ACAN: variants seen among roughly 807,000 people sequenced by gnomAD.
ACAN encodes the protein aggrecan core protein.
ACAN carries 47 observed loss-of-function variants against 169.1 expected under a neutral mutation model. The ratio of observed to expected loss-of-function variants is 0.28; its 90% CI spans 0.22 to 0.35. The LOEUF is 0.35. Ranked by LOEUF, ACAN falls within the 10% of genes least tolerant of loss-of-function variation. ACAN has a pLI of 1.00. For synonymous variants in ACAN, 1,115 were observed against 1,112.2 expected (o/e 1.00, Z -0.05); for missense variants, 2,716 against 2,759.9 (o/e 0.98, Z 0.36).
In ACAN at chr15:88,838,395, C is replaced by T. The variant is rs1396213858; in HGVS notation, c.71-268C>T. 6.6e-6 allele frequency among the ~76,000 whole-genome samples: 1 copy of T among 152,164 alleles called. No homozygotes were observed. Among genetic ancestry groups the T allele is most frequent in the Non-Finnish European group, 1.5e-5 (1 of 68,038 alleles). On this transcript the variant is annotated intron_variant, in intron 2 of 18. Transcript: ENST00000560601. The surrounding 1 kb of genome is among the most constrained non-coding windows in gnomAD (Gnocchi z 5.1). Reference sequence around the variant, plus strand: ...TGGTCCTGACTCTGACGTCTCCCCTCCCTCCTCTGGAATCCTTTTCTAGCT... The same window carrying T: ...TGGTCCTGACTCTGACGTCTCCCCTTCCTCCTCTGGAATCCTTTTCTAGCT...
chr15:88,848,535 T>C (rs1441105754), intron 9 of ACAN, among the ~76,000 whole-genome samples: 1 of 152,242 alleles, frequency 6.6e-6, no homozygotes, highest in East Asian at 1.9e-4. Context: ...GAGACCAGCC[T>C]GGGCAACATG....
Position 88,847,387 on chromosome 15 carries a change from A to G in ACAN, c.1574A>G (p.Asp525Gly). 5 of 1,585,610 alleles carry G rather than the reference A, an allele frequency of 3.2e-6. No individual in the cohort carries two copies. The highest frequency in any genetic ancestry group is 1.3e-5 in the African/African-American group (1 of 74,514). The change falls in exon 8 of 19, where the codon GAC becomes GGC. Residue 525 changes from aspartate to glycine, a missense_variant. Physicochemically the swap from Asp to Gly is moderately conservative, Grantham distance 94. This residue lies in a region of ACAN where 1,283 missense variants were observed against 1,281.5 expected (regional missense o/e 1.00). Coordinates refer to ENST00000560601, the MANE Select transcript of ACAN (RefSeq NM_001369268.1). Reference protein sequence around the residue: ...AAYEAGYEQCDAGWLRDQTVR... With the variant: ...AAYEAGYEQCGAGWLRDQTVR... ...TACGAAGCAGGCTATGAGCAGTGTG[A>G]CGCCGGCTGGCTGCGGGACCAGACC... is the stretch of plus-strand genomic sequence containing the variant.
At chr15:88,826,618 C>G (rs150673623) in intron 1 of ACAN, among the ~76,000 whole-genome samples, 1 of 152,102 alleles carries the variant, frequency 6.6e-6, no homozygotes, top group African/African-American at 2.4e-5. Context: ...CAAGATCCCA[C>G]CAACCGTGCG....
chr15:88,863,750 A>G (rs1403734922), intron 13 of ACAN, among the ~76,000 whole-genome samples: 1 of 152,248 alleles, frequency 6.6e-6, no homozygotes, highest in Non-Finnish European at 1.5e-5. Context: ...AGAAACCTCT[A>G]TCCTTGAGAA....
rs569271556 is a variant in ACAN at position 88,843,309 on chromosome 15, G to C, written c.758-46G>C. 1.1e-4 allele frequency: 154 copies of C among 1,350,044 alleles called. 1 individual carries two copies. The highest frequency in any genetic ancestry group is 9.4e-4 in the Middle Eastern group (5 of 5,298). The allele number at this position is 1,350,044 out of a possible 1,614,324, so 83.6% of individuals were successfully genotyped here. On this transcript the variant is annotated intron_variant, in intron 5 of 18. Coordinates refer to ENST00000560601, the MANE Select transcript of ACAN (RefSeq NM_001369268.1). The surrounding 1 kb of genome is among the most constrained non-coding windows in gnomAD (Gnocchi z 4.0). ...GATCTCTCTGGGGATGCAGAGCAGG[G>C]GGAGGGGGGAGAAGACCCTTACCCA... is the stretch of plus-strand genomic sequence containing the variant.
At chr15:88,845,475 G>A (rs1210693353) in intron 6 of ACAN, 30 bp from the exon 7 acceptor site, 2 of 1,571,284 alleles carry the variant, frequency 1.3e-6, no homozygotes, top group South Asian at 1.2e-5. Flanking sequence ...CAGGCTGAGA[G>A]GCTAAAGCTT....
chr15:88,804,150 C>A (rs1895616051), intron 1 of ACAN, among the ~76,000 whole-genome samples: 1 of 152,192 alleles, frequency 6.6e-6, no homozygotes, highest in Non-Finnish European at 1.5e-5. Flanking sequence ...GACAGAGTAG[C>A]AGCTTCAGAG....
Position 88,849,379 on chromosome 15 carries a change from G to T in ACAN, c.1733-59G>T. 2 of 1,463,306 alleles carry T rather than the reference G, an allele frequency of 1.4e-6. No homozygotes were observed. Among genetic ancestry groups the T allele is most frequent in the East Asian group, 2.4e-5 (1 of 41,260 alleles). The allele number at this position is 1,463,306 out of a possible 1,614,324, so 90.6% of individuals were successfully genotyped here. On this transcript the variant is annotated intron_variant, in intron 9 of 18. Transcript: ENST00000560601. This position sits in a 1 kb window ranked among gnomAD's most constrained non-coding sequence, Gnocchi z 5.1. ...AGAGGAACTCTGTCCTGGGTGGGCA[G>T]GGATGGACCTGGCCTGAGTGTGGGG... is the stretch of plus-strand genomic sequence containing the variant.
In ACAN at chr15:88,857,710, C is replaced by G. The variant is rs773385814; in HGVS notation, c.5125C>G (p.Leu1709Val). Residue 1709 changes from leucine to valine, a missense_variant, in exon 12 of 19, where the codon CTC (leucine) becomes GTC (valine). Around this residue, in one of 3 missense-constraint regions of ACAN, gnomAD observed 1,389 missense variants for 1,363.7 expected, o/e 1.02. Transcript: ENST00000560601. ...ELDISGRASG[L>V]PSGTELSGQA... ...GGACATTAGTGGGAGAGCTAGTGGA[C>G]TCCCTTCAGGAACTGAACTCAGTGG... 6.2e-7 allele frequency: 1 copy of G among 1,613,892 alleles called. No homozygotes were observed. Among genetic ancestry groups the G allele is most frequent in the Non-Finnish European group, 8.5e-7 (1 of 1,179,900 alleles).
intron 2 of ACAN, among the ~76,000 whole-genome samples, chr15:88,837,946 G>T (rs1476649965): frequency 1.5e-5 from 2 of 132,534 alleles, no homozygotes; most frequent in Non-Finnish European, 3.1e-5. Flanking sequence ...ATTCCCAGCA[G>T]ATCTTTTGTT....
At chr15:88,841,614 G>A (rs1896662912) in intron 4 of ACAN, 126 bp from the exon 5 acceptor site, 2 of 1,240,468 alleles carry the variant, frequency 1.6e-6, no homozygotes, top group Non-Finnish European at 2.3e-6. Context: ...GACATATTCA[G>A]AAGAGACATT....
chr15:88,872,181 C>G lies in ACAN; in HGVS notation c.7302+96C>G. The G allele has an allele frequency of 9.5e-7, 1 of 1,055,964 alleles. No individual in the cohort carries two copies. The highest frequency in any genetic ancestry group is 1.5e-6 in the Non-Finnish European group (1 of 689,348). The allele number at this position is 1,055,964 out of a possible 1,614,324, so 65.4% of individuals were successfully genotyped here. On this transcript the variant is annotated intron_variant, in intron 16 of 18. Transcript: ENST00000560601. The surrounding 1 kb of genome is among the most constrained non-coding windows in gnomAD (Gnocchi z 5.4). ...TGCATTCAAACCCCATGCAGACAGCCGCTTACCAGCTGCTGGACCGGGAAC... is the reference window on the plus strand; with the variant it reads ...TGCATTCAAACCCCATGCAGACAGCGGCTTACCAGCTGCTGGACCGGGAAC...
chr15:88,862,947 G>A (rs79682237), intron 13 of ACAN, among the ~76,000 whole-genome samples: 6,105 of 148,782 alleles, frequency 0.041, 279 homozygotes, highest in East Asian at 0.13. Flanking sequence ...GCAGTGAGCC[G>A]AGATTGTTGC....
intron 1 of ACAN, among the ~76,000 whole-genome samples, chr15:88,811,804 A>G (rs1895827975): frequency 6.6e-6 from 1 of 152,066 alleles, no homozygotes; most frequent in African/African-American, 2.4e-5. Context: ...AGCTGAGTAA[A>G]GAGGTGCCCT....
At position 88,841,707 on chromosome 15, in the gene ACAN, G is replaced by C. The variant is rs559936855; in HGVS notation, c.630-33G>C. The C allele has an allele frequency of 9.2e-5, 148 of 1,613,260 alleles. 1 individual carries two copies. In the East Asian group the frequency reaches 2.8e-3, roughly 30 times the overall value. ...GGCCATGGGCTTCCCTTTGTCCCCTGAGTGTCACACCTCCATTTCGGGTTC... is the reference window on the plus strand; with the variant it reads ...GGCCATGGGCTTCCCTTTGTCCCCTCAGTGTCACACCTCCATTTCGGGTTC... On this transcript the variant is annotated intron_variant, in intron 4 of 18. Transcript: ENST00000560601.
Position 88,839,898 on chromosome 15 carries a change from C to CT in ACAN, c.455-114_455-113insT. ...ACAGGGAGTCATGCATCAGCCCAGA[C>CT]CAGCCAGTTCCCTAAGGTCCCTTTG... On this transcript the variant is annotated intron_variant, in intron 3 of 18. Transcript: ENST00000560601. This position sits in a 1 kb window ranked among gnomAD's most constrained non-coding sequence, Gnocchi z 4.5. 1 of 1,307,666 alleles carries CT rather than the reference C, an allele frequency of 7.6e-7. No individual in the cohort carries two copies. Among genetic ancestry groups the CT allele is most frequent in the Non-Finnish European group, 1.1e-6 (1 of 948,098 alleles). The allele number at this position is 1,307,666 out of a possible 1,614,324, so 81.0% of individuals were successfully genotyped here. A position where few individuals can be genotyped will look rare whatever the true frequency, so the allele number is the denominator to read the frequency against.
chr15:88,837,804 T>A (rs1896542172), intron 2 of ACAN, among the ~76,000 whole-genome samples: 1 of 151,790 alleles, frequency 6.6e-6, no homozygotes, highest in Non-Finnish European at 1.5e-5. Context: ...AACCCACAAA[T>A]ATCTGAAACA....
chr15:88,858,012 A>G lies in ACAN; in HGVS notation c.5427A>G (p.Thr1809=). Residue 1809 remains threonine, a synonymous_variant, in exon 12 of 19, where the codon ACA becomes ACG. Coordinates refer to ENST00000560601, the MANE Select transcript of ACAN (RefSeq NM_001369268.1). This position sits in a 1 kb window ranked among gnomAD's most constrained non-coding sequence, Gnocchi z 4.0. ...GGTTACCAGGGTTCAGTGGGGCAAC[A>G]TCAGGAGTCCCTGACCTGGTTTCTG... is the stretch of plus-strand genomic sequence containing the variant. ...PSGLPGFSGA[T]SGVPDLVSGT... is the part of the protein sequence containing the mutation. 6.2e-7 allele frequency: 1 copy of G among 1,613,986 alleles called. No homozygotes were observed. Among genetic ancestry groups the G allele is most frequent in the South Asian group, 1.1e-5 (1 of 91,084 alleles).
chr15:88,847,520 G>A, intron 8 of ACAN, 103 bp downstream of exon 8: 1 of 1,299,298 alleles, frequency 7.7e-7, no homozygotes, highest in Non-Finnish European at 1.0e-6. Flanking sequence ...CCAATACCTT[G>A]TGGGTTAATG....
Sources: gnomAD v4.1 joint callset for allele counts (sites outside exome capture counted in the v4.1 genomes callset) on GRCh38, gnomAD v4.1.1 for gene constraint, gnomAD v4.1.1 regional missense constraint, Gnocchi (gnomAD v3.1) non-coding constraint, MANE v1.5 for transcripts, NCBI Gene and HGNC (gene_info 2026-07-23, HGNC 2026-07-21) for gene names.